UNC80: variants seen among roughly 807,000 people sequenced by gnomAD.
UNC80 encodes protein unc-80 homolog.
Under a neutral mutation model 384.6 loss-of-function variants are expected in UNC80, and 164 were observed. That is an observed-to-expected ratio of 0.43 (90% CI 0.38 to 0.49). The LOEUF is 0.49. UNC80 is among the 20% of genes least tolerant of loss of function. The pLI is 0.00. For missense variants in UNC80, 3,330 were observed against 4,143.0 expected, an observed-to-expected ratio of 0.80 and a Z score of 5.39; for synonymous variants, 1,486 against 1,527.8, an observed-to-expected ratio of 0.97 and a Z score of 0.64.
Position 209,905,019 on chromosome 2 carries a change from C to A in UNC80, c.4782+54C>A, listed in dbSNP as rs891670100. On this transcript the variant is annotated intron_variant, in intron 29 of 64. Transcript: ENST00000673920. ...TAATACTAGAAACATGATGTCATAACAATTTCTTCTCTGGAAATAAGAATT... is the reference window on the plus strand; with the variant it reads ...TAATACTAGAAACATGATGTCATAAAAATTTCTTCTCTGGAAATAAGAATT... The A allele has an allele frequency of 7.2e-6, 11 of 1,524,226 alleles. No individual in the cohort carries two copies. The African/African-American group carries it at 1.1e-4, about 15-fold the overall frequency. The allele number at this position is 1,524,226 out of a possible 1,614,324, so 94.4% of individuals were successfully genotyped here. A position where few individuals can be genotyped will look rare whatever the true frequency, so the allele number is the denominator to read the frequency against.
At chr2:209,920,719 G>A (rs1181156948) in intron 33 of UNC80, among the ~76,000 whole-genome samples, 1 of 152,136 alleles carries the variant, frequency 6.6e-6, no homozygotes, top group Non-Finnish European at 1.5e-5. Context: ...TTGAGCTACA[G>A]AAATGAAATA....
At chr2:209,853,342 T>A (rs564229555) in intron 22 of UNC80, among the ~76,000 whole-genome samples, 1 of 152,272 alleles carries the variant, frequency 6.6e-6, no homozygotes, top group South Asian at 2.1e-4. Context: ...TTTAAGATTG[T>A]AATTTTCTTC....
At chr2:209,833,686 A>C (rs1285775239) in intron 16 of UNC80, among the ~76,000 whole-genome samples, 3 of 152,220 alleles carry the variant, frequency 2.0e-5, no homozygotes, top group African/African-American at 7.2e-5. Context: ...TTAAAAGAGA[A>C]AATTAAAGCT....
chr2:209,981,306 G>A lies in UNC80; in HGVS notation c.9119-873G>A, dbSNP rs185758419. Among the ~76,000 whole-genome samples the A allele has an allele frequency of 7.9e-4, 120 of 152,292 alleles. 3 individuals carry two copies. The highest frequency in any genetic ancestry group is 7.1e-3 in the Admixed American group (109 of 15,302). ...TTAATTTCTGCTTCTCGCTGGGCAC[G>A]GTGGCTCATGCCTGTAATCCCAGCA... On this transcript the variant is annotated intron_variant, in intron 59 of 64. Coordinates refer to ENST00000673920, the MANE Select transcript of UNC80 (RefSeq NM_001371986.1).
At chr2:209,793,624 A>G (rs1016563211) in intron 6 of UNC80, 96 bp from the exon 7 acceptor site, 7 of 1,454,790 alleles carry the variant, frequency 4.8e-6, no homozygotes, top group Admixed American at 2.2e-5. Flanking sequence ...ATATGGAACC[A>G]TGTTGTAATA....
chr2:209,944,256 A>G (rs1320998935), intron 45 of UNC80, among the ~76,000 whole-genome samples: 1 of 152,196 alleles, frequency 6.6e-6, no homozygotes, highest in Non-Finnish European at 1.5e-5. Flanking sequence ...GGTAAAAGGA[A>G]GGTTTCCCAA....
intron 51 of UNC80, among the ~76,000 whole-genome samples, chr2:209,963,776 A>G (rs945746890): frequency 1.3e-5 from 2 of 152,222 alleles, no homozygotes; most frequent in Non-Finnish European, 2.9e-5. Flanking sequence ...GTTTGGAGAG[A>G]AGACAATGGG....
intron 56 of UNC80, among the ~76,000 whole-genome samples, chr2:209,975,748 G>A (rs547301305): frequency 2.6e-5 from 4 of 152,230 alleles, no homozygotes; most frequent in East Asian, 1.9e-4. Flanking sequence ...TGATATGTCC[G>A]TATTACCATA....
At chr2:209,898,119 T>C (rs2124921064) in intron 28 of UNC80, among the ~76,000 whole-genome samples, 1 of 152,242 alleles carries the variant, frequency 6.6e-6, no homozygotes, top group Middle Eastern at 3.4e-3. Flanking sequence ...CTTTTTTAAA[T>C]AGTGTCTTTC....
intron 7 of UNC80, among the ~76,000 whole-genome samples, chr2:209,802,188 G>T (rs1458604613): frequency 1.3e-5 from 2 of 152,032 alleles, no homozygotes; most frequent in Non-Finnish European, 2.9e-5. Flanking sequence ...TGATCAAAGG[G>T]TATAAAATTT....
intron 49 of UNC80, 117 bp from the exon 50 acceptor site, chr2:209,959,002 G>T: frequency 1.3e-6 from 1 of 799,026 alleles, no homozygotes; most frequent in East Asian, 2.7e-5. Flanking sequence ...GTATATTTGT[G>T]AGCTTATCAA....
chr2:209,835,122 C>G (rs2081253728), intron 18 of UNC80, 112 bp downstream of exon 18: 5 of 821,548 alleles, frequency 6.1e-6, no homozygotes, highest in Non-Finnish European at 7.6e-6. Flanking sequence ...TGAATTTTGC[C>G]TTGTTTCTAC....
At chr2:209,958,955 T>G (rs2092503055) in intron 49 of UNC80, among the ~76,000 whole-genome samples, 164 bp from the exon 50 acceptor site, 1 of 152,208 alleles carries the variant, frequency 6.6e-6, no homozygotes, top group South Asian at 2.1e-4. Context: ...GTTAGCCAAA[T>G]GAAAGATAAA....
chr2:209,968,586 T>C (rs2092798889), intron 52 of UNC80: 1 of 152,208 alleles, frequency 6.6e-6, no homozygotes. Context: ...TGACTACCTA[T>C]ACATTATTTC....
intron 22 of UNC80, among the ~76,000 whole-genome samples, chr2:209,861,915 C>A (rs2083371373): frequency 6.6e-6 from 1 of 151,778 alleles, no homozygotes; most frequent in African/African-American, 2.4e-5. Context: ...CTATTTGATT[C>A]TTCTCTCTCT....
intron 18 of UNC80, among the ~76,000 whole-genome samples, chr2:209,838,483 G>A (rs2081500526): frequency 1.3e-5 from 2 of 152,048 alleles, no homozygotes; most frequent in African/African-American, 2.4e-5. Flanking sequence ...TTACTTGCAA[G>A]CCCTACCTAA....
intron 36 of UNC80, among the ~76,000 whole-genome samples, chr2:209,928,152 G>A (rs1289881026): frequency 6.6e-6 from 1 of 151,934 alleles, no homozygotes; most frequent in Non-Finnish European, 1.5e-5. Context: ...CCTGGCCAAC[G>A]TGGCGAAACC....
intron 53 of UNC80, 116 bp downstream of exon 53, chr2:209,970,007 C>A: frequency 7.6e-7 from 1 of 1,322,824 alleles, no homozygotes; most frequent in Non-Finnish European, 1.0e-6. Flanking sequence ...CCCATGAAAA[C>A]AGACGGCTCA....
chr2:209,957,495 G>A, intron 48 of UNC80, 149 bp from the exon 49 acceptor site: 2 of 623,384 alleles, frequency 3.2e-6, no homozygotes, highest in Non-Finnish European at 5.4e-6. Flanking sequence ...AGAACAAACA[G>A]AAAAGCCCAA....
Sources: gnomAD v4.1 joint callset for allele counts (sites outside exome capture counted in the v4.1 genomes callset) on GRCh38, gnomAD v4.1.1 for gene constraint, MANE v1.5 for transcripts, NCBI Gene and HGNC (gene_info 2026-07-23, HGNC 2026-07-21) for gene names.